NAV2: variants seen among roughly 807,000 people sequenced by gnomAD.
NAV2 encodes the protein helicase, APC down-regulated 1.
A neutral mutation model predicts 223.2 loss-of-function variants in NAV2; 54 were observed. That is an observed-to-expected ratio of 0.24 (90% CI 0.19 to 0.30). The LOEUF is 0.30. Among genes scored for constraint, NAV2 ranks in the 10% least tolerant of loss-of-function variants. The pLI is 1.00. For synonymous variants in NAV2, 1,279 were observed against 1,239.3 expected, an observed-to-expected ratio of 1.03 and a Z score of -0.67; for missense variants, 2,806 against 3,147.5, an observed-to-expected ratio of 0.89 and a Z score of 2.60.
At chr11:19,623,616 C>A (rs966029431) in intron 1 of NAV2, among the ~76,000 whole-genome samples, 1 of 152,220 alleles carries the variant, frequency 6.6e-6, no homozygotes, top group Non-Finnish European at 1.5e-5. Context: ...TCAGCTCCAT[C>A]AGGTCATTTG....
chr11:19,849,032 G>C (rs2060966156), intron 3 of NAV2, among the ~76,000 whole-genome samples: 1 of 152,022 alleles, frequency 6.6e-6, no homozygotes, highest in Non-Finnish European at 1.5e-5. Context: ...AGATTTTAAT[G>C]AGCTAACATT....
chr11:20,025,445 G>A (rs2054953884), intron 11 of NAV2, among the ~76,000 whole-genome samples: 2 of 152,228 alleles, frequency 1.3e-5, no homozygotes, highest in Admixed American at 6.5e-5. Context: ...GCCCTCTCCA[G>A]AGGAGCCTTG....
chr11:19,655,968 G>C (rs1478480897), intron 1 of NAV2, among the ~76,000 whole-genome samples: 1 of 152,146 alleles, frequency 6.6e-6, no homozygotes, highest in Non-Finnish European at 1.5e-5. Context: ...CAAGCCACTG[G>C]TTGGAGAAGG....
intron 1 of NAV2, among the ~76,000 whole-genome samples, chr11:19,423,485 G>T (rs895357003): frequency 1.3e-5 from 2 of 152,230 alleles, no homozygotes; most frequent in Admixed American, 1.3e-4. Context: ...AGAATATTCT[G>T]TTATGGGGAA....
chr11:19,551,054 C>G (rs1430483013), intron 1 of NAV2, among the ~76,000 whole-genome samples: 1 of 152,282 alleles, frequency 6.6e-6, no homozygotes, highest in Non-Finnish European at 1.5e-5. Context: ...GGAGCTGGCG[C>G]TGACTGCTGG....
chr11:19,620,019 C>T (rs2046935396), intron 1 of NAV2, among the ~76,000 whole-genome samples: 2 of 152,138 alleles, frequency 1.3e-5, no homozygotes, highest in Admixed American at 1.3e-4. Context: ...AAATAGGGAT[C>T]CTTTCCCCAT....
intron 1 of NAV2, among the ~76,000 whole-genome samples, chr11:19,422,700 G>A (rs533790084): frequency 5.9e-5 from 9 of 152,336 alleles, no homozygotes; most frequent in East Asian, 1.9e-4. Flanking sequence ...CATTGGAATC[G>A]TCTGGCCTTG....
intron 1 of NAV2, among the ~76,000 whole-genome samples, chr11:19,446,806 C>A (rs1851601501): frequency 6.6e-6 from 1 of 152,070 alleles, no homozygotes. Context: ...TGAATATGAC[C>A]ATCCCATTAC....
At chr11:20,112,425 AG>A (rs747367506) in intron 36 of NAV2, among the ~76,000 whole-genome samples, 40 of 152,108 alleles carry the variant, frequency 2.6e-4, no homozygotes, top group Non-Finnish European at 5.4e-4. Context: ...ACTTAAGCAG[AG>A]GGGGTGATAG....
At chr11:19,793,733 C>T (rs540126688) in intron 1 of NAV2, among the ~76,000 whole-genome samples, 3 of 152,310 alleles carry the variant, frequency 2.0e-5, no homozygotes, top group South Asian at 4.2e-4. Flanking sequence ...GAATAAAATC[C>T]GATTCCCCTG....
At chr11:20,071,468 G>T (rs1476165418) in intron 22 of NAV2, among the ~76,000 whole-genome samples, 1 of 152,170 alleles carries the variant, frequency 6.6e-6, no homozygotes, top group African/African-American at 2.4e-5. Flanking sequence ...TCCTTTGGGG[G>T]TATATACCCA....
At chr11:19,694,477 G>A (rs1282074029) in intron 1 of NAV2, among the ~76,000 whole-genome samples, 1 of 152,162 alleles carries the variant, frequency 6.6e-6, no homozygotes. Context: ...TGGTACTCTG[G>A]GCAGAGCATC....
chr11:19,543,161 C>T (rs559870567), intron 1 of NAV2, among the ~76,000 whole-genome samples: 4 of 152,254 alleles, frequency 2.6e-5, no homozygotes, highest in African/African-American at 7.2e-5. Flanking sequence ...GGTTCAAATC[C>T]CTGCTCTGCC....
rs779607338 is a variant in NAV2, at chr11:20,119,289, G to A, written c.*1031G>A. 1 of 151,974 alleles carries A rather than the reference G, an allele frequency of 6.6e-6. No homozygotes were observed. Among genetic ancestry groups the A allele is most frequent in the Non-Finnish European group, 1.5e-5 (1 of 68,024 alleles). 9.4% of individuals were successfully genotyped at this position (151,974 alleles called of 1,614,324 possible). ...TGGTCCTGCTCAGTTTTGGTTTTTA[G>A]TTGTCCATCCTCACAGTCCTACACA... On this transcript the variant is annotated 3_prime_UTR_variant, in exon 38 of 38. Coordinates refer to ENST00000349880, the MANE Select transcript of NAV2 (RefSeq NM_145117.5).
intron 1 of NAV2, among the ~76,000 whole-genome samples, chr11:19,677,650 G>T (rs939336069): frequency 1.3e-5 from 2 of 152,258 alleles, no homozygotes; most frequent in African/African-American, 4.8e-5. Flanking sequence ...GCATTTTCAG[G>T]GTTACAGAGA....
chr11:19,959,831 G>A lies in NAV2; in HGVS notation c.2645+10751G>A, dbSNP rs117462671. The stretch of plus-strand genomic sequence containing the variant: ...CTACCGTGCTGGGCGAGAGAAGCCC[G>A]CTGTGACTAATCATGCTTAGCAAGG... On this transcript the variant is annotated intron_variant, in intron 10 of 37. Coordinates refer to ENST00000349880, the MANE Select transcript of NAV2 (RefSeq NM_145117.5). Among the ~76,000 whole-genome samples, 933 of 152,228 alleles carry A rather than the reference G, an allele frequency of 6.1e-3. 2 individuals are homozygous for A. Among genetic ancestry groups the A allele is most frequent in the South Asian group, 0.014 (69 of 4,816 alleles).
chr11:20,048,361 C>T (rs1476326171), intron 14 of NAV2, among the ~76,000 whole-genome samples: 1 of 152,214 alleles, frequency 6.6e-6, no homozygotes, highest in East Asian at 1.9e-4. Context: ...ATGATGAAGA[C>T]AACCATCTTC....
At chr11:19,469,038 C>T (rs372587675) in intron 1 of NAV2, among the ~76,000 whole-genome samples, 1 of 152,152 alleles carries the variant, frequency 6.6e-6, no homozygotes, top group African/African-American at 2.4e-5. Context: ...TGAGATAATT[C>T]GTGGAATGCA....
At chr11:19,541,337 C>A (rs1466385567) in intron 1 of NAV2, among the ~76,000 whole-genome samples, 1 of 152,196 alleles carries the variant, frequency 6.6e-6, no homozygotes, top group African/African-American at 2.4e-5. Context: ...AGGGAGAAGA[C>A]AAATTGTTCT....
Sources: gnomAD v4.1 joint callset for allele counts (sites outside exome capture counted in the v4.1 genomes callset) on GRCh38, gnomAD v4.1.1 for gene constraint, MANE v1.5 for transcripts, NCBI Gene and HGNC (gene_info 2026-07-23, HGNC 2026-07-21) for gene names.